Variants in SPATA7 observed in about 807,000 individuals in gnomAD.
SPATA7 encodes the protein spermatogenesis associated 7.
In SPATA7, 43 loss-of-function variants were observed where a neutral mutation model predicts 51.8. The observed-to-expected ratio is 0.83, with a 90% confidence interval of 0.65 to 1.07. The LOEUF (loss-of-function observed/expected upper bound fraction) is 1.07, where lower values mean the gene tolerates loss of function less well. SPATA7 is among the 50% of genes least tolerant of loss of function. The pLI, the probability that SPATA7 is intolerant of heterozygous loss-of-function variation, is 0.00. For synonymous variants in SPATA7, 230 were observed against 252.8 expected, an observed-to-expected ratio of 0.91 and a Z score of 0.86; for missense variants, 683 against 701.3, an observed-to-expected ratio of 0.97 and a Z score of 0.30.
intron 1 of SPATA7, among the ~76,000 whole-genome samples, chr14:88,389,181 C>A (rs1411581846): frequency 6.6e-6 from 1 of 151,458 alleles, no homozygotes; most frequent in Non-Finnish European, 1.5e-5. Context: ...TGAATTAAAT[C>A]GTCTTATTTC....
Position 88,430,968 on chromosome 14 carries a change from A to G in SPATA7, c.1029-204A>G, listed in dbSNP as rs530887018. Among the ~76,000 whole-genome samples the G allele has an allele frequency of 8.5e-5, 13 of 152,296 alleles. No individual in the cohort carries two copies. The East Asian group carries it at 2.5e-3, about 29-fold the overall frequency. ...GCCCAAAGGAAATGCTCATTGGAAC[A>G]TTTTTGGATTTCAGATTTTTGGATT... On this transcript the variant is annotated intron_variant, in intron 8 of 11. Transcript: ENST00000393545.
At chr14:88,427,877 G>GGC (rs2076840287) in intron 7 of SPATA7, 181 bp downstream of exon 7, 1 of 507,530 alleles carries the variant, frequency 2.0e-6, no homozygotes, top group Admixed American at 3.3e-5. Flanking sequence ...CTCTCTGAAT[G>GGC]GCCAGGTGGA....
intron 8 of SPATA7, among the ~76,000 whole-genome samples, chr14:88,430,537 T>G (rs1001768950): frequency 2.0e-5 from 3 of 152,150 alleles, no homozygotes; most frequent in African/African-American, 7.2e-5. Context: ...ATAACAAAAT[T>G]TATCATGATG....
chr14:88,398,171 G>C (rs1464067540), intron 4 of SPATA7, among the ~76,000 whole-genome samples: 1 of 151,940 alleles, frequency 6.6e-6, no homozygotes, highest in Non-Finnish European at 1.5e-5. Context: ...ATAAAAATCA[G>C]TGTTATACGT....
At chr14:88,460,749 T>G (rs909762157) in intron 4 of SPATA7, among the ~76,000 whole-genome samples, 1 of 152,226 alleles carries the variant, frequency 6.6e-6, no homozygotes, top group African/African-American at 2.4e-5. Flanking sequence ...CCGTTGCTGG[T>G]AAGGAGCTGC....
chr14:88,432,863 T>G (rs2076977657), intron 9 of SPATA7: 5 of 323,168 alleles, frequency 1.5e-5, no homozygotes, highest in Non-Finnish European at 2.8e-5. Flanking sequence ...TCTTTTTGTG[T>G]TGTTTAATTC....
intron 5 of SPATA7, among the ~76,000 whole-genome samples, chr14:88,417,303 G>GT (rs1488232412): frequency 3.1e-4 from 24 of 77,576 alleles, no homozygotes; most frequent in African/African-American, 7.1e-4. Context: ...TAATCTGTGG[G>GT]GTTTTTTTTT....
At chr14:88,457,529 C>T (rs2077291805), downstream of SPATA7, among the ~76,000 whole-genome samples, 1 of 152,140 alleles carries the variant, frequency 6.6e-6, no homozygotes, top group Admixed American at 6.6e-5. Context: ...CTCTGTTCGT[C>T]TGTGATTTGT....
chr14:88,396,920 T>TAA (rs1396077172), intron 4 of SPATA7, among the ~76,000 whole-genome samples: 1 of 148,218 alleles, frequency 6.7e-6, no homozygotes, highest in Non-Finnish European at 1.5e-5. Flanking sequence ...GCCCTGGGGC[T>TAA]AAAGTGCAGT....
At chr14:88,425,322 A>G (rs992060811) in intron 5 of SPATA7, among the ~76,000 whole-genome samples, 2 of 152,144 alleles carry the variant, frequency 1.3e-5, no homozygotes, top group South Asian at 2.1e-4. Context: ...TCCTTACTCA[A>G]CTTGTCCATC....
rs147634556 is a variant in SPATA7 at position 88,438,371 on chromosome 14, A to G, written c.1749A>G (p.Ser583=). 1.2e-6 allele frequency: 2 copies of G among 1,613,948 alleles called. No individual in the cohort carries two copies. The highest frequency in any genetic ancestry group is 2.7e-5 in the African/African-American group (2 of 74,930). The change falls in exon 12 of 12, where the codon TCA becomes TCG. Residue 583 remains serine (S), a synonymous_variant. Transcript: ENST00000393545. ...KGDNNHDMEL[S]TLKIMEMSIE... is the part of the protein sequence containing the mutation. ...ACAATAATCATGACATGGAGTTATC[A>G]ACTCTTAAAATCATGGAAATGAGCA...
Position 88,416,850 on chromosome 14 carries a change from A to G in SPATA7, c.372+6A>G, listed in dbSNP as rs2076493357. On this transcript the variant is annotated splice_donor_region_variant and intron_variant, in intron 5 of 11. Coordinates refer to ENST00000393545, the MANE Select transcript of SPATA7 (RefSeq NM_018418.5). ...TTTTTAATACCTTACAAAAGGTAAGATAGTATTTTTATTTTTTAAAAGCAA... is the reference window on the plus strand; with the variant it reads ...TTTTTAATACCTTACAAAAGGTAAGGTAGTATTTTTATTTTTTAAAAGCAA... The G allele has an allele frequency of 1.3e-6, 2 of 1,576,592 alleles. No individual in the cohort carries two copies. Among genetic ancestry groups the G allele is most frequent in the African/African-American group, 1.4e-5 (1 of 73,636 alleles).
At position 88,426,350 on chromosome 14, in the gene SPATA7, C is replaced by T. The variant is rs1355443870; in HGVS notation, c.491C>T (p.Ser164Phe). The T allele has an allele frequency of 6.2e-7, 1 of 1,613,990 alleles. No homozygotes were observed. Among genetic ancestry groups the T allele is most frequent in the African/African-American group, 1.3e-5 (1 of 74,910 alleles). Residue 164 changes from serine to phenylalanine, a missense_variant, in exon 6 of 12, where the codon TCC (serine) becomes TTC (phenylalanine). Physicochemically the swap from Ser to Phe is radical, Grantham distance 155. Transcript: ENST00000393545. Reference protein sequence around the residue: ...SERLHLSLHKSSKVITNGPEK... With the variant: ...SERLHLSLHKFSKVITNGPEK... ...AGACTACACCTAAGTCTACATAAAT[C>T]CAGTAAAGTCATCACAAATGGTCCT...
Position 88,438,459 on chromosome 14 carries a change from A to C in SPATA7, c.*37A>C. 7.0e-7 allele frequency: 1 copy of C among 1,437,780 alleles called. No individual in the cohort carries two copies. The highest frequency in any genetic ancestry group is 9.8e-7 in the Non-Finnish European group (1 of 1,025,136). 89.1% of individuals were successfully genotyped at this position (1,437,780 alleles called of 1,614,324 possible). A position where few individuals can be genotyped will look rare whatever the true frequency, so the allele number is the denominator to read the frequency against. The stretch of plus-strand genomic sequence containing the variant: ...AAATACCTCAAATGGCCAGTAACTC[A>C]ATATTACTTTTCTTCCTTTTTTAAA... On this transcript the variant is annotated 3_prime_UTR_variant, in exon 12 of 12. Coordinates refer to ENST00000393545, the MANE Select transcript of SPATA7 (RefSeq NM_018418.5).
Position 88,469,216 on chromosome 14 carries a change from A to G in SPATA7, c.255-631A>G. 1.1e-6 allele frequency: 1 copy of G among 923,096 alleles called. No individual in the cohort carries two copies. The highest frequency in any genetic ancestry group is 1.8e-5 in the South Asian group (1 of 57,036). 57.2% of individuals were successfully genotyped at this position (923,096 alleles called of 1,614,324 possible). A position where few individuals can be genotyped will look rare whatever the true frequency, so the allele number is the denominator to read the frequency against. ...GTGCCAGTGAACCAAACCCAACCAC[A>G]AAGGGACAGTGTGACCCTGAGCAAG... On this transcript the variant is annotated intron_variant, in intron 4 of 4. Coordinates refer to the SPATA7 transcript ENST00000556406. The surrounding 1 kb of genome is among the most constrained non-coding windows in gnomAD (Gnocchi z 4.3).
At chr14:88,410,184 G>A (rs1461490214) in intron 4 of SPATA7, among the ~76,000 whole-genome samples, 2 of 152,152 alleles carry the variant, frequency 1.3e-5, no homozygotes, top group East Asian at 3.9e-4. Context: ...AATATTGACA[G>A]TGGGGTGATA....
chr14:88,408,868 T>A (rs143078371), intron 4 of SPATA7, among the ~76,000 whole-genome samples: 2,577 of 152,354 alleles, frequency 0.017, 42 homozygotes, highest in Non-Finnish European at 0.023. Context: ...GAGGTAATCC[T>A]GTGGTTTTTG....
intron 4 of SPATA7, among the ~76,000 whole-genome samples, chr14:88,463,764 T>G (rs1228991771): frequency 6.6e-6 from 1 of 152,190 alleles, no homozygotes; most frequent in Non-Finnish European, 1.5e-5. Context: ...TCCAAGGACT[T>G]CAAATGTTTT....
intron 1 of SPATA7, 90 bp downstream of exon 1, chr14:88,385,927 C>T (rs765067082): frequency 1.3e-4 from 181 of 1,398,114 alleles, no homozygotes; most frequent in Middle Eastern, 8.0e-4. Context: ...GAGTGCAAGG[C>T]CGCCCCTTGG....
Sources: allele counts gnomAD v4.1 joint callset (sites outside exome capture counted in the v4.1 genomes callset), GRCh38; gene constraint gnomAD v4.1.1; non-coding constraint Gnocchi (gnomAD v3.1); transcripts MANE v1.5; gene names NCBI Gene and HGNC (gene_info 2026-07-23, HGNC 2026-07-21).